FCHO2: variants seen among roughly 807,000 people sequenced by gnomAD.
FCHO2 encodes the protein FCH and mu domain containing endocytic adaptor 2.
A neutral mutation model predicts 114.1 loss-of-function variants in FCHO2; 43 were observed. The observed-to-expected ratio is 0.38, with a 90% CI of 0.30 to 0.49. The LOEUF is 0.49. Among genes scored for constraint, FCHO2 ranks in the 20% least tolerant of loss-of-function variants. The pLI, the probability that FCHO2 is intolerant of heterozygous loss-of-function variation, is 0.97. For synonymous variants in FCHO2, 293 were observed against 315.2 expected (o/e 0.93, Z 0.75); for missense variants, 807 against 950.4 (o/e 0.85, Z 1.98).
chr5:73,037,307 A>C (rs1405911578), intron 10 of FCHO2, 92 bp downstream of exon 10: 2 of 939,674 alleles, frequency 2.1e-6, no homozygotes, highest in Non-Finnish European at 3.1e-6. Context: ...AGTATTTTGG[A>C]AATAACTCAA....
chr5:73,006,250 T>C (rs776888574), intron 5 of FCHO2, among the ~76,000 whole-genome samples, 195 bp from the exon 6 acceptor site: 1 of 152,170 alleles, frequency 6.6e-6, no homozygotes, highest in Non-Finnish European at 1.5e-5. Context: ...CAGTGTTTAC[T>C]TCCTGACTTC....
At chr5:73,027,865 T>C (rs1756023506) in intron 8 of FCHO2, among the ~76,000 whole-genome samples, 1 of 151,790 alleles carries the variant, frequency 6.6e-6, no homozygotes, top group Non-Finnish European at 1.5e-5. Context: ...ACAAGAAAAA[T>C]AGCAGTAGAC....
At chr5:72,975,683 T>C (rs138172855) in intron 2 of FCHO2, among the ~76,000 whole-genome samples, 2,380 of 152,206 alleles carry the variant, frequency 0.016, 67 homozygotes, top group African/African-American at 0.055. Context: ...TTTTGTATTT[T>C]TTATAGAGAC....
chr5:72,969,589 A>G (rs1278148914), intron 2 of FCHO2, among the ~76,000 whole-genome samples: 1 of 152,092 alleles, frequency 6.6e-6, no homozygotes, highest in Non-Finnish European at 1.5e-5. Flanking sequence ...CCTACACTTC[A>G]CTACTATCAC....
At chr5:73,087,430 A>G (rs1322988977) in intron 24 of FCHO2, among the ~76,000 whole-genome samples, 159 bp from the exon 25 acceptor site, 2 of 152,232 alleles carry the variant, frequency 1.3e-5, no homozygotes, top group Non-Finnish European at 2.9e-5. Context: ...ATATTCACTA[A>G]AAAATATGAG....
chr5:72,975,487 C>G (rs540457716), intron 2 of FCHO2, among the ~76,000 whole-genome samples: 2 of 151,760 alleles, frequency 1.3e-5, no homozygotes, highest in East Asian at 1.9e-4. Context: ...CCATCATGTT[C>G]GGCTGATTTT....
intron 2 of FCHO2, among the ~76,000 whole-genome samples, chr5:72,984,808 T>C (rs539648048): frequency 1.3e-5 from 2 of 148,464 alleles, no homozygotes; most frequent in Admixed American, 6.6e-5. Flanking sequence ...AATTTTTGTA[T>C]TTTTTTTTGT....
At chr5:73,087,072 G>T (rs1743336209) in intron 24 of FCHO2, among the ~76,000 whole-genome samples, 1 of 152,216 alleles carries the variant, frequency 6.6e-6, no homozygotes, top group South Asian at 2.1e-4. Flanking sequence ...TGAATAAATG[G>T]TGATGATACT....
At chr5:72,971,944 T>G (rs1280147812) in intron 2 of FCHO2, among the ~76,000 whole-genome samples, 2 of 151,670 alleles carry the variant, frequency 1.3e-5, no homozygotes, top group Admixed American at 1.3e-4. Flanking sequence ...CCAGCACCAT[T>G]TATTAAATAG....
Position 72,968,470 on chromosome 5 carries a change from T to G in FCHO2, c.34-28T>G, listed in dbSNP as rs774241189. ...CAAGTCATTTTTATCTGTTTTTTTA[T>G]GAAACTAAAAATCTTTTTAAATTTT... On this transcript the variant is annotated intron_variant, in intron 1 of 25. Transcript: ENST00000430046. 2.8e-5 allele frequency: 40 copies of G among 1,434,692 alleles called. 1 individual carries two copies. In the South Asian group the frequency reaches 5.4e-4, roughly 19 times the overall value. The allele number at this position is 1,434,692 out of a possible 1,614,324, so 88.9% of individuals were successfully genotyped here.
intron 2 of FCHO2, among the ~76,000 whole-genome samples, chr5:72,973,343 T>C (rs1752676105): frequency 1.3e-5 from 2 of 152,262 alleles, no homozygotes; most frequent in Non-Finnish European, 2.9e-5. Context: ...GTACTCTTTT[T>C]GGTTGGTAAG....
intron 19 of FCHO2, among the ~76,000 whole-genome samples, chr5:73,071,223 C>T (rs1742632145): frequency 6.6e-6 from 1 of 151,920 alleles, no homozygotes; most frequent in Non-Finnish European, 1.5e-5. Flanking sequence ...CTGCTTTCCT[C>T]AACTCAGCTT....
intron 10 of FCHO2, among the ~76,000 whole-genome samples, chr5:73,040,011 C>T (rs902197564): frequency 6.6e-6 from 1 of 150,606 alleles, no homozygotes; most frequent in Non-Finnish European, 1.5e-5. Flanking sequence ...TTTGGTACTT[C>T]GTTTTGGATT....
At chr5:73,076,157 G>T (rs62362210) in intron 20 of FCHO2, among the ~76,000 whole-genome samples, 20,643 of 152,002 alleles carry the variant, frequency 0.14, 1,657 homozygotes, top group East Asian at 0.35. Flanking sequence ...TTGAAGGCAG[G>T]TGTGAACCTG....
intron 5 of FCHO2, among the ~76,000 whole-genome samples, chr5:73,005,200 A>G (rs1754653436): frequency 6.6e-6 from 1 of 152,192 alleles, no homozygotes; most frequent in African/African-American, 2.4e-5. Flanking sequence ...GTAGGACTAT[A>G]TGTACCTCTT....
chr5:73,004,664 T>C (rs1269591215), intron 5 of FCHO2, among the ~76,000 whole-genome samples: 1 of 152,190 alleles, frequency 6.6e-6, no homozygotes, highest in East Asian at 1.9e-4. Flanking sequence ...GTTCCCTTTT[T>C]AGTAATGAGA....
At chr5:73,034,595 AG>A in intron 8 of FCHO2, 61 bp from the exon 9 acceptor site, 1 of 1,318,224 alleles carries the variant, frequency 7.6e-7, no homozygotes, top group South Asian at 1.4e-5. Flanking sequence ...GTAAAAAAAA[AG>A]TTTTAAAATT....
chr5:73,061,613 A>G (rs936400659), intron 17 of FCHO2, among the ~76,000 whole-genome samples: 6 of 151,900 alleles, frequency 3.9e-5, no homozygotes, highest in African/African-American at 1.4e-4. Flanking sequence ...TGTCCCCCAA[A>G]TCTCTACTTT....
At chr5:72,990,648 G>T in intron 4 of FCHO2, 29 bp downstream of exon 4, 1 of 1,526,836 alleles carries the variant, frequency 6.5e-7, no homozygotes, top group Non-Finnish European at 8.8e-7. Context: ...TTAAATAATT[G>T]ATTGGTCAGA....
Sources: allele counts gnomAD v4.1 joint callset (sites outside exome capture counted in the v4.1 genomes callset), GRCh38; gene constraint gnomAD v4.1.1; transcripts MANE v1.5; gene names NCBI Gene and HGNC (gene_info 2026-07-23, HGNC 2026-07-21).